RCAN1: variants seen among roughly 807,000 people sequenced by gnomAD.
The protein encoded by RCAN1 is regulator of calcineurin 1.
RCAN1 carries 11 observed loss-of-function variants against 22.9 expected under a neutral mutation model. The ratio of observed to expected loss-of-function variants is 0.48; its 90% CI spans 0.30 to 0.79. The LOEUF (loss-of-function observed/expected upper bound fraction) is 0.79, where lower values mean the gene tolerates loss of function less well. Ranked by LOEUF, RCAN1 falls within the 30% of genes least tolerant of loss-of-function variation. RCAN1 has a pLI of 0.06. For missense variants in RCAN1, 291 were observed against 337.8 expected (o/e 0.86, Z 1.09); for synonymous variants, 136 against 142.3 (o/e 0.96, Z 0.32).
intron 1 of RCAN1, among the ~76,000 whole-genome samples, chr21:34,607,938 G>A (rs555463770): frequency 8.5e-5 from 13 of 152,212 alleles, no homozygotes; most frequent in East Asian, 5.8e-4. Context: ...GAGTTCCAGC[G>A]GCAGCAGAGT....
intron 1 of RCAN1, among the ~76,000 whole-genome samples, chr21:34,605,934 A>G (rs916841664): frequency 2.0e-5 from 3 of 151,840 alleles, no homozygotes; most frequent in African/African-American, 7.3e-5. Context: ...AAAAAAAAAA[A>G]AAAAAAGATG....
intron 1 of RCAN1, among the ~76,000 whole-genome samples, chr21:34,532,025 G>C (rs920011082): frequency 6.6e-6 from 1 of 152,106 alleles, no homozygotes; most frequent in Non-Finnish European, 1.5e-5. Context: ...GCTGGGGGCG[G>C]GGGTAGATTG....
intron 1 of RCAN1, among the ~76,000 whole-genome samples, chr21:34,586,606 T>C (rs925259426): frequency 1.3e-5 from 2 of 152,140 alleles, no homozygotes; most frequent in Non-Finnish European, 2.9e-5. Flanking sequence ...AAATTAATGA[T>C]TTACATATTG....
At chr21:34,565,295 T>C (rs1477052570) in intron 1 of RCAN1, among the ~76,000 whole-genome samples, 1 of 152,248 alleles carries the variant, frequency 6.6e-6, no homozygotes, top group Non-Finnish European at 1.5e-5. Context: ...TGTTTATCCG[T>C]TGGCAACAGG....
At chr21:34,522,988 A>T (rs1984700948) in intron 2 of RCAN1, 1 of 152,244 alleles carries the variant, frequency 6.6e-6, no homozygotes, top group Non-Finnish European at 1.5e-5. Flanking sequence ...TGGGGCTGGG[A>T]ACCCTGCCAA....
intron 1 of RCAN1, among the ~76,000 whole-genome samples, chr21:34,550,424 C>T (rs1986323488): frequency 6.6e-6 from 1 of 152,104 alleles, no homozygotes; most frequent in African/African-American, 2.4e-5. Flanking sequence ...AAATGGGTGA[C>T]TAAGTTAAAT....
chr21:34,608,099 TCTA>T, intron 1 of RCAN1, among the ~76,000 whole-genome samples: 2 of 152,326 alleles, frequency 1.3e-5, no homozygotes, highest in South Asian at 4.1e-4. Context: ...GCTTAGGGCT[TCTA>T]CTAATTCTAC....
intron 1 of RCAN1, among the ~76,000 whole-genome samples, chr21:34,558,340 C>T (rs963489179): frequency 6.6e-6 from 1 of 152,228 alleles, no homozygotes; most frequent in Non-Finnish European, 1.5e-5. Flanking sequence ...CAGGCCAGGA[C>T]TTCCTCTAGG....
intron 1 of RCAN1, among the ~76,000 whole-genome samples, chr21:34,544,882 C>A (rs868811243): frequency 1.5e-4 from 23 of 152,294 alleles, no homozygotes; most frequent in Middle Eastern, 3.4e-3. Context: ...AGTGAGGGCA[C>A]CTTGTGGGCA....
chr21:34,603,220 C>T (rs1175742123), intron 1 of RCAN1, among the ~76,000 whole-genome samples: 1 of 152,146 alleles, frequency 6.6e-6, no homozygotes, highest in Non-Finnish European at 1.5e-5. Context: ...GAAGTTACTG[C>T]CCCCCGGCGG....
intron 1 of RCAN1, among the ~76,000 whole-genome samples, chr21:34,532,582 C>T (rs1197424988): frequency 6.6e-6 from 1 of 152,234 alleles, no homozygotes; most frequent in African/African-American, 2.4e-5. Context: ...GCTAAAGAAA[C>T]AAACTGATGT....
chr21:34,530,990 A>G (rs1985362850), intron 1 of RCAN1, among the ~76,000 whole-genome samples: 1 of 152,352 alleles, frequency 6.6e-6, no homozygotes, highest in Non-Finnish European at 1.5e-5. Context: ...AAACAAAACA[A>G]AAAACAACCC....
intron 1 of RCAN1, among the ~76,000 whole-genome samples, chr21:34,551,769 G>C (rs1986376108): frequency 6.6e-6 from 1 of 151,988 alleles, no homozygotes; most frequent in African/African-American, 2.4e-5. Context: ...GAATGTTGGA[G>C]GATGAAGACA....
At chr21:34,581,369 G>A (rs1987603306) in intron 1 of RCAN1, among the ~76,000 whole-genome samples, 1 of 152,146 alleles carries the variant, frequency 6.6e-6, no homozygotes, top group Non-Finnish European at 1.5e-5. Context: ...AAGTTAAGGA[G>A]TATTCAAAAA....
intron 1 of RCAN1, among the ~76,000 whole-genome samples, chr21:34,529,669 C>CA (rs1985266550): frequency 6.6e-6 from 1 of 152,112 alleles, no homozygotes; most frequent in Non-Finnish European, 1.5e-5. Context: ...GTTTTGGAGG[C>CA]AAGTATATTC....
At chr21:34,590,569 T>C (rs1987937766) in intron 1 of RCAN1, among the ~76,000 whole-genome samples, 1 of 152,222 alleles carries the variant, frequency 6.6e-6, no homozygotes. Flanking sequence ...CTCCACATTA[T>C]CCTGACATAT....
In RCAN1 at chr21:34,518,157, T is replaced by C; in HGVS notation, c.686A>G (p.Glu229Gly). 1.2e-6 allele frequency: 2 copies of C among 1,614,244 alleles called. No individual in the cohort carries two copies. The highest frequency in any genetic ancestry group is 1.1e-5 in the South Asian group (1 of 91,088). ...DQEKEEEEEM[E>G]RMRRPKPKII... ...TTTTGGCTTAGGTCTCCTCATTCTT[T>C]CCATTTCCTCTTCTTCCTCCTTCTC... The change falls in exon 4 of 4, where the codon GAA becomes GGA. Residue 229 changes from glutamate (E) to glycine (G), a missense_variant. Transcript: ENST00000313806. This position sits in a 1 kb window ranked among gnomAD's most constrained non-coding sequence, Gnocchi z 4.2.
rs1472937965 is a variant in RCAN1 at position 34,614,637 on chromosome 21, C to T, written c.252+123G>A. 9 of 1,114,898 alleles carry T rather than the reference C, an allele frequency of 8.1e-6. No individual in the cohort carries two copies. The highest frequency in any genetic ancestry group is 6.6e-5 in the African/African-American group (4 of 60,332). 69.1% of individuals were successfully genotyped at this position (1,114,898 alleles called of 1,614,324 possible). A position where few individuals can be genotyped will look rare whatever the true frequency, so the allele number is the denominator to read the frequency against. On this transcript the variant is annotated intron_variant, in intron 1 of 3. Transcript: ENST00000313806. This position sits in a 1 kb window ranked among gnomAD's most constrained non-coding sequence, Gnocchi z 6.0. ...CTGACGGGTCCGCGGCCGAGCAGCC[C>T]GGGGGACGTCGCTGCCTCCCCGCCC...
intron 1 of RCAN1, among the ~76,000 whole-genome samples, chr21:34,538,997 TACAAAA>T (rs1400809240): frequency 6.6e-6 from 1 of 151,958 alleles, no homozygotes; most frequent in East Asian, 1.9e-4. Flanking sequence ...AACTGAACAC[TACAAAA>T]ATGCTGCTTA....
Sources: allele counts gnomAD v4.1 joint callset (sites outside exome capture counted in the v4.1 genomes callset), GRCh38; gene constraint gnomAD v4.1.1; non-coding constraint Gnocchi (gnomAD v3.1); transcripts MANE v1.5; gene names NCBI Gene and HGNC (gene_info 2026-07-23, HGNC 2026-07-21).